The following NCLN variants were observed in gnomAD, a reference collection of about 807,000 sequenced individuals.
The protein encoded by NCLN is nicalin, also known as BOS complex subunit NCLN.
Under a neutral mutation model 69.5 loss-of-function variants are expected in NCLN, and 34 were observed. That is an observed-to-expected ratio of 0.49 (90% CI 0.37 to 0.65). The LOEUF is 0.65. NCLN is among the 30% of genes least tolerant of loss of function. NCLN has a pLI of 0.00. For missense variants in NCLN, 710 were observed against 804.8 expected (o/e 0.88, Z 1.42); for synonymous variants, 393 against 358.3 (o/e 1.10, Z -1.09).
At position 3,206,102 on chromosome 19, in the gene NCLN, G is replaced by C. The variant is rs764647356; in HGVS notation, c.1297-50G>C. ...GGCCCCGGCCCCACCCCTGGCCCCAGCCCCACTGCAGGGGCCTGGACTCAG... is the reference window on the plus strand; with the variant it reads ...GGCCCCGGCCCCACCCCTGGCCCCACCCCCACTGCAGGGGCCTGGACTCAG... On this transcript the variant is annotated intron_variant, in intron 10 of 14. Transcript: ENST00000246117. 4.5e-6 allele frequency: 7 copies of C among 1,562,452 alleles called. No individual in the cohort carries two copies. In the Admixed American group the frequency reaches 5.7e-5, roughly 13 times the overall value.
chr19:3,193,198 C>T, intron 2 of NCLN, 86 bp from the exon 3 acceptor site: 3 of 1,308,694 alleles, frequency 2.3e-6, no homozygotes. Context: ...CCCCTGCTAC[C>T]CCCACCAGGG....
intron 6 of NCLN, 34 bp downstream of exon 6, chr19:3,201,660 C>CGGGGGTGGGCTGGGGTTGGGGGGTGG: frequency 1.1e-6 from 1 of 880,444 alleles, no homozygotes; most frequent in Non-Finnish European, 1.7e-6. Context: ...GATGGGGGTG[C>CGGGGGTGGGCTGGGGTTGGGGGGTGG]GGGGGCCACA....
At chr19:3,189,061 T>G (rs367728231) in intron 1 of NCLN, among the ~76,000 whole-genome samples, 1 of 152,214 alleles carries the variant, frequency 6.6e-6, no homozygotes, top group Admixed American at 6.5e-5. Flanking sequence ...CTTTCCCAAC[T>G]TCCTTCCTGC....
In NCLN at chr19:3,206,564, C is replaced by T. The variant is rs978150559; in HGVS notation, c.1499+139C>T. ...GAGAGGGTGGGATGAGGGCCGGACA[C>T]GGCGGCTGTGCCTGCAATCCCAGTA... On this transcript the variant is annotated intron_variant, in intron 12 of 14. Transcript: ENST00000246117. 13 of 1,174,288 alleles carry T rather than the reference C, an allele frequency of 1.1e-5. No homozygotes were observed. In the Admixed American group the frequency reaches 2.1e-4, roughly 19 times the overall value. 72.7% of individuals were successfully genotyped at this position (1,174,288 alleles called of 1,614,324 possible). A position where few individuals can be genotyped will look rare whatever the true frequency, so the allele number is the denominator to read the frequency against.
rs369083361 is a variant in NCLN, at chr19:3,194,462, A to C, written c.520+1034A>C. On this transcript the variant is annotated intron_variant, in intron 3 of 14. Coordinates refer to ENST00000246117, the MANE Select transcript of NCLN (RefSeq NM_020170.4). ...AGTTGGCTAACACTGGCCAGGGGCCACCTGTTTTTGTTGATAAAGTTTTAT... is the reference window on the plus strand; with the variant it reads ...AGTTGGCTAACACTGGCCAGGGGCCCCCTGTTTTTGTTGATAAAGTTTTAT... 2.6e-5 allele frequency among the ~76,000 whole-genome samples: 4 copies of C among 152,250 alleles called. No individual in the cohort carries two copies. In the East Asian group the frequency reaches 7.7e-4, roughly 29 times the overall value.
chr19:3,192,567 C>T lies in NCLN; in HGVS notation c.282C>T (p.Tyr94=), dbSNP rs201244078. ...TCATGCGGCTACTGGACTTCTCCTA[C>T]GAGCAGTACCAGAAGGCCCTGCGGC... ...CVLMRLLDFS[Y]EQYQKALRQS... is the part of the protein sequence containing the mutation. Residue 94 remains tyrosine (Y), a synonymous_variant, in exon 2 of 15, where the codon TAC becomes TAT. Coordinates refer to ENST00000246117, the MANE Select transcript of NCLN (RefSeq NM_020170.4). 324 of 1,609,978 alleles carry T rather than the reference C, an allele frequency of 2.0e-4. No individual in the cohort carries two copies. In the East Asian group the frequency reaches 6.6e-3, roughly 33 times the overall value.
intron 1 of NCLN, 62 bp from the exon 2 acceptor site, chr19:3,192,408 C>G: frequency 1.4e-6 from 2 of 1,398,580 alleles, no homozygotes; most frequent in Non-Finnish European, 1.9e-6. Flanking sequence ...TGGCCTGGAT[C>G]TGTCCCCTCC....
intron 8 of NCLN, 152 bp downstream of exon 8, chr19:3,204,296 T>G (rs1460972539): frequency 9.7e-7 from 1 of 1,027,774 alleles, no homozygotes; most frequent in Non-Finnish European, 1.3e-6. Context: ...TGTTCTGTCC[T>G]GGGGTGTCCT....
chr19:3,205,638 G>A lies in NCLN; in HGVS notation c.1209-301G>A, dbSNP rs560032329. Among the ~76,000 whole-genome samples the A allele has an allele frequency of 2.0e-5, 3 of 152,276 alleles. No individual in the cohort carries two copies. The highest frequency in any genetic ancestry group is 4.1e-4 in the South Asian group (2 of 4,826). The stretch of plus-strand genomic sequence containing the variant: ...CCAGAATGGATTCTTCCACCAGGAC[G>A]GAATAGTCCAGTTTAAATTCTGGAA... On this transcript the variant is annotated intron_variant, in intron 9 of 14. Transcript: ENST00000246117. This position sits in a 1 kb window ranked among gnomAD's most constrained non-coding sequence, Gnocchi z 4.6.
At position 3,193,575 on chromosome 19, in the gene NCLN, C is replaced by T. The variant is rs1026124509; in HGVS notation, c.520+147C>T. ...GTTAACAGTGGGGGTTCCTGGGCCCCGTGTGGACCTGCTACATCACCACCT... is the reference window on the plus strand; with the variant it reads ...GTTAACAGTGGGGGTTCCTGGGCCCTGTGTGGACCTGCTACATCACCACCT... On this transcript the variant is annotated intron_variant, in intron 3 of 14. Transcript: ENST00000246117. The T allele has an allele frequency of 1.2e-5, 12 of 984,786 alleles. No homozygotes were observed. The Admixed American group carries it at 1.9e-4, about 16-fold the overall frequency. 61.0% of individuals were successfully genotyped at this position (984,786 alleles called of 1,614,324 possible).
In NCLN at chr19:3,206,144, C is replaced by G. The variant is rs1410670487; in HGVS notation, c.1297-8C>G. The G allele has an allele frequency of 6.5e-7, 1 of 1,528,282 alleles. No homozygotes were observed. The highest frequency in any genetic ancestry group is 2.4e-5 in the East Asian group (1 of 40,820). The allele number at this position is 1,528,282 out of a possible 1,614,324, so 94.7% of individuals were successfully genotyped here. ...TGGACTCAGGGCCATCCCCTCCTCT[C>G]TCCGCAGGGGACACCCCCAGACATG... On this transcript the variant is annotated splice_region_variant and splice_polypyrimidine_tract_variant and intron_variant, in intron 10 of 14. Coordinates refer to ENST00000246117, the MANE Select transcript of NCLN (RefSeq NM_020170.4).
Position 3,207,618 on chromosome 19 carries a change from T to C in NCLN, c.1633-11T>C. On this transcript the variant is annotated splice_polypyrimidine_tract_variant and intron_variant, in intron 14 of 14. Coordinates refer to ENST00000246117, the MANE Select transcript of NCLN (RefSeq NM_020170.4). Reference sequence around the variant, plus strand: ...CGCCCACATCCTCACTCCCTCCTGCTGTGTCCCCAGCACTTCAGCCTCCTC... The same window carrying C: ...CGCCCACATCCTCACTCCCTCCTGCCGTGTCCCCAGCACTTCAGCCTCCTC... 3 of 1,612,816 alleles carry C rather than the reference T, an allele frequency of 1.9e-6. No homozygotes were observed. Among genetic ancestry groups the C allele is most frequent in the Non-Finnish European group, 2.5e-6 (3 of 1,179,804 alleles).
At chr19:3,199,689 C>CT (rs71164662) in intron 5 of NCLN, among the ~76,000 whole-genome samples, 8,267 of 69,490 alleles carry the variant, frequency 0.12, 1,684 homozygotes, top group Non-Finnish European at 0.13. Context: ...CTGCCTCCTC[C>CT]TTTTTTTTTT....
chr19:3,207,453 C>T lies in NCLN; in HGVS notation c.1616C>T (p.Ala539Val), dbSNP rs769422835. The change falls in exon 14 of 15, where the codon GCC (alanine) becomes GTC (valine). Residue 539 changes from alanine (A) to valine (V), a missense_variant. Coordinates refer to ENST00000246117, the MANE Select transcript of NCLN (RefSeq NM_020170.4). ...GGCATTGCTGCCTACCTCGGCATGG[C>T]CTACGTGGCTGTCCAGGTGAGCAGT... ...AVGIAAYLGM[A>V]YVAVQHFSLL... The T allele has an allele frequency of 1.1e-5, 18 of 1,612,992 alleles. No individual in the cohort carries two copies. Among genetic ancestry groups the T allele is most frequent in the Non-Finnish European group, 1.4e-5 (17 of 1,180,020 alleles).
rs1050805128 is a variant in NCLN, at chr19:3,203,747, C to T, written c.801-9C>T. On this transcript the variant is annotated splice_polypyrimidine_tract_variant and intron_variant, in intron 6 of 14. Coordinates refer to ENST00000246117, the MANE Select transcript of NCLN (RefSeq NM_020170.4). ...CCCGTCAAAGCTAACACTGGGTCTT[C>T]CCTCCCAGCTACAACCTCCTGTTCT... is the stretch of plus-strand genomic sequence containing the variant. 1.9e-6 allele frequency: 3 copies of T among 1,607,926 alleles called. No homozygotes were observed. The South Asian group carries it at 3.3e-5, about 18-fold the overall frequency.
rs1045153763 is a variant in NCLN at position 3,205,407 on chromosome 19, G to A, written c.1209-532G>A. 2.6e-5 allele frequency among the ~76,000 whole-genome samples: 4 copies of A among 152,232 alleles called. No individual in the cohort carries two copies. Among genetic ancestry groups the A allele is most frequent in the African/African-American group, 7.2e-5 (3 of 41,454 alleles). ...CAGGAGTGGTTTGAGCTCAGCCATC[G>A]GAGGCCTGCAGAAGCCAGTGGCGGG... is the stretch of plus-strand genomic sequence containing the variant. On this transcript the variant is annotated intron_variant, in intron 9 of 14. Transcript: ENST00000246117. The surrounding 1 kb of genome is among the most constrained non-coding windows in gnomAD (Gnocchi z 4.6).
intron 5 of NCLN, among the ~76,000 whole-genome samples, chr19:3,199,942 T>C (rs519266): frequency 0.5 from 76,391 of 151,342 alleles, 19,948 homozygotes; most frequent in East Asian, 0.91. Flanking sequence ...CCTCATGATT[T>C]GCCCTCCTCA....
In NCLN at chr19:3,186,202, G is replaced by A. The variant is rs745425660; in HGVS notation, c.172G>A (p.Gly58Ser). The A allele has an allele frequency of 1.9e-6, 3 of 1,560,272 alleles. No individual in the cohort carries two copies. The highest frequency in any genetic ancestry group is 2.6e-6 in the Non-Finnish European group (3 of 1,157,598). Residue 58 changes from glycine (G) to serine (S), a missense_variant, in exon 1 of 15, where the codon GGC becomes AGC. Physicochemically the swap from Gly to Ser is moderately conservative, Grantham distance 56. Transcript: ENST00000246117. ...VYRMQQYDLQ[G>S]QPYGTRNAVL... ...CCGCATGCAGCAGTACGACCTGCAG[G>A]GCCAGCCCTACGGTGCGTGTCCCCG...
At chr19:3,203,092 G>A (rs1442216905) in intron 6 of NCLN, among the ~76,000 whole-genome samples, 4 of 152,114 alleles carry the variant, frequency 2.6e-5, no homozygotes, top group African/African-American at 9.7e-5. Context: ...GCGGCAGGTG[G>A]ATCACCTGTC....
Sources: allele counts gnomAD v4.1 joint callset (sites outside exome capture counted in the v4.1 genomes callset), GRCh38; gene constraint gnomAD v4.1.1; non-coding constraint Gnocchi (gnomAD v3.1); transcripts MANE v1.5; gene names NCBI Gene and HGNC (gene_info 2026-07-23, HGNC 2026-07-21).